Variants in POU6F2 observed in about 807,000 individuals in gnomAD.
The protein encoded by POU6F2 is POU domain, class 6, transcription factor 2.
POU6F2 carries 31 observed loss-of-function variants against 71.3 expected under a neutral mutation model. The ratio of observed to expected loss-of-function variants is 0.43; its 90% CI spans 0.33 to 0.59. The LOEUF (loss-of-function observed/expected upper bound fraction) is 0.59, where lower values mean the gene tolerates loss of function less well. Ranked by LOEUF, POU6F2 falls within the 20% of genes least tolerant of loss-of-function variation. The pLI is 0.04. For synonymous variants in POU6F2, 347 were observed against 355.7 expected (o/e 0.98, Z 0.27); for missense variants, 783 against 856.8 (o/e 0.91, Z 1.07).
At chr7:39,055,557 A>G (rs959845956) in intron 1 of POU6F2, among the ~76,000 whole-genome samples, 1 of 152,156 alleles carries the variant, frequency 6.6e-6, no homozygotes, top group Non-Finnish European at 1.5e-5. Context: ...TTTATCCTTA[A>G]GCTCTCCAAT....
chr7:39,246,151 A>C (rs920688676), intron 4 of POU6F2, among the ~76,000 whole-genome samples: 2 of 152,148 alleles, frequency 1.3e-5, no homozygotes, highest in Non-Finnish European at 2.9e-5. Context: ...ATGTTGGTCA[A>C]CCTTTAGGAA....
At chr7:39,298,436 A>C (rs1163539383) in intron 4 of POU6F2, among the ~76,000 whole-genome samples, 3 of 152,242 alleles carry the variant, frequency 2.0e-5, no homozygotes, top group Non-Finnish European at 2.9e-5. Flanking sequence ...TTATCAGAGA[A>C]ATGCAAATCA....
At chr7:39,329,919 T>C (rs565902459) in intron 4 of POU6F2, among the ~76,000 whole-genome samples, 1 of 152,334 alleles carries the variant, frequency 6.6e-6, no homozygotes, top group Non-Finnish European at 1.5e-5. Context: ...GCCTAAAACA[T>C]AGGAATTTGC....
At chr7:39,244,153 A>G (rs1418161716) in intron 4 of POU6F2, among the ~76,000 whole-genome samples, 1 of 139,548 alleles carries the variant, frequency 7.2e-6, no homozygotes, top group East Asian at 2.1e-4. Context: ...AAAACTTCAT[A>G]TAAAAAAAAC....
chr7:39,110,144 G>A (rs558309704), intron 2 of POU6F2, among the ~76,000 whole-genome samples: 67 of 151,676 alleles, frequency 4.4e-4, no homozygotes, highest in African/African-American at 1.5e-3. Context: ...GGTGGCGGGC[G>A]GCTGTAATCC....
At chr7:39,430,586 T>C (rs1361673028) in intron 6 of POU6F2, among the ~76,000 whole-genome samples, 1 of 152,208 alleles carries the variant, frequency 6.6e-6, no homozygotes, top group Non-Finnish European at 1.5e-5. Flanking sequence ...ACCCAGGAAG[T>C]AGGCAGAGTA....
At chr7:39,219,450 G>C (rs943533774) in intron 4 of POU6F2, among the ~76,000 whole-genome samples, 1 of 151,978 alleles carries the variant, frequency 6.6e-6, no homozygotes, top group African/African-American at 2.4e-5. Context: ...AGAACCTTTG[G>C]GTCATGCCTG....
At chr7:39,194,552 C>A (rs1297702237) in intron 2 of POU6F2, among the ~76,000 whole-genome samples, 1 of 5,470 alleles carries the variant, frequency 1.8e-4, no homozygotes, top group Non-Finnish European at 2.5e-4. Flanking sequence ...TAAAGTGGAC[C>A]AATCAGCGCT....
intron 2 of POU6F2, among the ~76,000 whole-genome samples, chr7:39,194,674 C>G (rs967328213): frequency 2.6e-5 from 2 of 77,774 alleles, no homozygotes; most frequent in Non-Finnish European, 2.7e-5. Flanking sequence ...GTAACCCACT[C>G]CGGTCCCCTT....
intron 1 of POU6F2, among the ~76,000 whole-genome samples, chr7:39,014,630 C>T (rs1008502591): frequency 6.6e-5 from 10 of 152,018 alleles, no homozygotes; most frequent in Non-Finnish European, 1.3e-4. Context: ...AATTTTTTTT[C>T]ATTCTTTGTC....
chr7:39,085,786 A>T, intron 1 of POU6F2, 74 bp from the exon 2 acceptor site: 1 of 1,422,082 alleles, frequency 7.0e-7, no homozygotes, highest in Non-Finnish European at 9.8e-7. Context: ...AGAGAGGGAG[A>T]GGGAGAGAGA....
At chr7:39,148,399 G>A (rs1336215744) in intron 2 of POU6F2, among the ~76,000 whole-genome samples, 4 of 152,228 alleles carry the variant, frequency 2.6e-5, no homozygotes, top group African/African-American at 9.6e-5. Flanking sequence ...GTTTTGATAC[G>A]ATAATTTCTA....
intron 1 of POU6F2, among the ~76,000 whole-genome samples, chr7:39,040,079 C>CATAT (rs796810264): frequency 2.3e-3 from 1 of 436 alleles, no homozygotes; most frequent in Non-Finnish European, 4.4e-3. Flanking sequence ...ATATTATATA[C>CATAT]ATATATATGT....
intron 5 of POU6F2, among the ~76,000 whole-genome samples, chr7:39,349,859 A>G (rs1395842168): frequency 6.6e-6 from 1 of 152,230 alleles, no homozygotes; most frequent in East Asian, 1.9e-4. Context: ...GAGCCAAGGC[A>G]GAGAAAGGCA....
chr7:39,182,824 T>G (rs540907918), intron 2 of POU6F2, among the ~76,000 whole-genome samples: 16 of 152,360 alleles, frequency 1.1e-4, no homozygotes, highest in Middle Eastern at 3.4e-3. Flanking sequence ...TGTCTCTTTC[T>G]TGAGCATCTT....
chr7:39,004,655 G>A (rs1398355195), intron 1 of POU6F2, among the ~76,000 whole-genome samples: 1 of 152,182 alleles, frequency 6.6e-6, no homozygotes, highest in Non-Finnish European at 1.5e-5. Flanking sequence ...AGTTTAACCT[G>A]GAAAGTTGGT....
At chr7:39,050,479 C>A (rs1790381859) in intron 1 of POU6F2, among the ~76,000 whole-genome samples, 1 of 152,142 alleles carries the variant, frequency 6.6e-6, no homozygotes. Flanking sequence ...CCAGTCTCCC[C>A]TGTGTGTACA....
intron 2 of POU6F2, among the ~76,000 whole-genome samples, chr7:39,179,646 G>A (rs1231187330): frequency 6.6e-6 from 1 of 152,228 alleles, no homozygotes; most frequent in Non-Finnish European, 1.5e-5. Flanking sequence ...GGTGGTCTGA[G>A]GCTCTGCAGT....
chr7:39,236,570 G>A (rs1181234954), intron 4 of POU6F2, among the ~76,000 whole-genome samples: 2 of 152,038 alleles, frequency 1.3e-5, no homozygotes, highest in Non-Finnish European at 2.9e-5. Flanking sequence ...TAAGTTTCCA[G>A]TGCATACATT....
Sources: allele counts gnomAD v4.1 joint callset (sites outside exome capture counted in the v4.1 genomes callset), GRCh38; gene constraint gnomAD v4.1.1; transcripts MANE v1.5; gene names NCBI Gene and HGNC (gene_info 2026-07-23, HGNC 2026-07-21).